ROBO1: variants seen among roughly 807,000 people sequenced by gnomAD.
ROBO1 encodes the protein roundabout guidance receptor 1.
Under a neutral mutation model 195.9 loss-of-function variants are expected in ROBO1, and 149 were observed. The ratio of observed to expected loss-of-function variants is 0.76; its 90% confidence interval spans 0.67 to 0.87. ROBO1 has a LOEUF of 0.87. ROBO1 is among the 40% of genes least tolerant of loss of function. The probability of loss-of-function intolerance (pLI) is 0.00; values close to 1 mark genes in which losing one functional copy is unlikely to be tolerated. For missense variants in ROBO1, 1,933 were observed against 2,068.3 expected (o/e 0.93, Z 1.27); for synonymous variants, 816 against 733.2 (o/e 1.11, Z -1.82).
At chr3:79,619,389 T>C (rs1266775205) in intron 1 of ROBO1, among the ~76,000 whole-genome samples, 1 of 152,124 alleles carries the variant, frequency 6.6e-6, no homozygotes, top group African/African-American at 2.4e-5. Flanking sequence ...CCTCCTGAAC[T>C]CACACCTGAC....
chr3:79,090,840 T>G (rs1254636993), intron 3 of ROBO1, among the ~76,000 whole-genome samples: 1 of 152,192 alleles, frequency 6.6e-6, no homozygotes, highest in Non-Finnish European at 1.5e-5. Flanking sequence ...AAAGTCTTTT[T>G]TTCTCATTGA....
At chr3:79,343,184 C>T (rs979011362) in intron 2 of ROBO1, among the ~76,000 whole-genome samples, 5 of 152,118 alleles carry the variant, frequency 3.3e-5, no homozygotes, top group Admixed American at 2.6e-4. Flanking sequence ...CATTTATTTT[C>T]AGCATCGAAT....
intron 4 of ROBO1, among the ~76,000 whole-genome samples, chr3:78,892,599 T>C (rs1215167999): frequency 2.6e-5 from 4 of 152,196 alleles, no homozygotes; most frequent in Non-Finnish European, 5.9e-5. Flanking sequence ...ATCATCATCA[T>C]CATCATCATC....
At chr3:78,673,593 T>C (rs1051673787) in intron 10 of ROBO1, among the ~76,000 whole-genome samples, 4 of 62,862 alleles carry the variant, frequency 6.4e-5, no homozygotes, top group South Asian at 6.7e-4. Context: ...TATATATATA[T>C]ATATATATAT....
chr3:79,137,382 A>AT (rs2080431434), intron 2 of ROBO1, among the ~76,000 whole-genome samples: 1 of 151,770 alleles, frequency 6.6e-6, no homozygotes, highest in African/African-American at 2.4e-5. Context: ...ACGTTACTAA[A>AT]TAAAAAAAAA....
At chr3:79,578,180 AC>A (rs1943555617) in intron 2 of ROBO1, among the ~76,000 whole-genome samples, 1 of 152,326 alleles carries the variant, frequency 6.6e-6, no homozygotes, top group Non-Finnish European at 1.5e-5. Flanking sequence ...AGCAACAGGA[AC>A]TTTTATACAT....
intron 1 of ROBO1, among the ~76,000 whole-genome samples, chr3:79,689,510 G>C (rs1414540654): frequency 6.6e-6 from 1 of 151,814 alleles, no homozygotes; most frequent in Non-Finnish European, 1.5e-5. Context: ...GAGATATATG[G>C]TACATCTGTA....
At chr3:78,829,117 T>C (rs942239554) in intron 4 of ROBO1, among the ~76,000 whole-genome samples, 8 of 152,156 alleles carry the variant, frequency 5.3e-5, no homozygotes, top group South Asian at 2.1e-4. Flanking sequence ...TTTAGTCATG[T>C]AATAAAAACA....
At chr3:78,792,642 C>G (rs1408735991) in intron 4 of ROBO1, among the ~76,000 whole-genome samples, 3 of 152,122 alleles carry the variant, frequency 2.0e-5, no homozygotes, top group Non-Finnish European at 4.4e-5. Context: ...CCACAGTCGC[C>G]TCACTTTCCT....
chr3:79,445,484 T>G (rs1390753647), intron 2 of ROBO1, among the ~76,000 whole-genome samples: 2 of 79,836 alleles, frequency 2.5e-5, no homozygotes, highest in South Asian at 4.3e-4. Flanking sequence ...AGAAATTGTT[T>G]TTTTTTTTTT....
chr3:79,600,499 G>A (rs931492139), intron 1 of ROBO1, among the ~76,000 whole-genome samples: 3 of 151,936 alleles, frequency 2.0e-5, no homozygotes, highest in African/African-American at 4.8e-5. Flanking sequence ...TGTTTAGCAA[G>A]CATGTTTAGC....
rs942826812 is a variant in ROBO1 at position 78,657,129 on chromosome 3, C to T, written c.2583G>A (p.Gly861=). 9 of 1,611,450 alleles carry T rather than the reference C, an allele frequency of 5.6e-6. No individual in the cohort carries two copies. The highest frequency in any genetic ancestry group is 7.6e-6 in the Non-Finnish European group (9 of 1,178,830). ...GGATGAACTGAGGCTCACTCTTTAC[C>T]CCAGACCCAGCCCCAGTGCTGGCTG... ...EVAASTGAGS[G]VKSEPQFIQL... The change falls in exon 18 of 31, where the codon GGG becomes GGA. Residue 861 remains glycine (G), a synonymous_variant. Transcript: ENST00000464233.
chr3:79,238,925 A>G (rs2108873295), intron 2 of ROBO1, among the ~76,000 whole-genome samples: 1 of 152,304 alleles, frequency 6.6e-6, no homozygotes, highest in Admixed American at 6.5e-5. Flanking sequence ...AGTCTATCAT[A>G]TTCCATATTG....
chr3:79,527,742 G>A (rs1941490788), intron 2 of ROBO1: 1 of 53,136 alleles, frequency 1.9e-5, no homozygotes, highest in Admixed American at 1.6e-4. Context: ...CAATAAAAAA[G>A]AGAACCATGT....
At chr3:79,335,046 G>C (rs2034608034) in intron 2 of ROBO1, among the ~76,000 whole-genome samples, 1 of 152,162 alleles carries the variant, frequency 6.6e-6, no homozygotes, top group African/African-American at 2.4e-5. Context: ...GAACCTGGGA[G>C]GTTGAGGTTG....
chr3:79,394,150 T>C (rs1337928277), intron 2 of ROBO1, among the ~76,000 whole-genome samples: 3 of 151,710 alleles, frequency 2.0e-5, no homozygotes, highest in Non-Finnish European at 4.4e-5. Flanking sequence ...AAAAAAAAGA[T>C]TTTGAAAAAA....
chr3:79,516,735 C>A (rs1485699341), intron 2 of ROBO1, among the ~76,000 whole-genome samples: 1 of 152,038 alleles, frequency 6.6e-6, no homozygotes, highest in Non-Finnish European at 1.5e-5. Context: ...AAATCATTGC[C>A]TATTGATGGA....
At chr3:79,161,936 C>T (rs1412098733) in intron 2 of ROBO1, among the ~76,000 whole-genome samples, 1 of 152,074 alleles carries the variant, frequency 6.6e-6, no homozygotes, top group Non-Finnish European at 1.5e-5. Context: ...TAGATTCAGC[C>T]TCTGATGAGC....
intron 2 of ROBO1, among the ~76,000 whole-genome samples, chr3:79,399,961 T>A (rs2037302651): frequency 6.6e-6 from 1 of 152,164 alleles, no homozygotes; most frequent in South Asian, 2.1e-4. Flanking sequence ...TAGACCCTTG[T>A]GTAGCAAAAG....
Sources: allele counts gnomAD v4.1 joint callset (sites outside exome capture counted in the v4.1 genomes callset), GRCh38; gene constraint gnomAD v4.1.1; transcripts MANE v1.5; gene names NCBI Gene and HGNC (gene_info 2026-07-23, HGNC 2026-07-21).